CHRNB3: variants seen among roughly 807,000 people sequenced by gnomAD.
CHRNB3 encodes cholinergic receptor nicotinic beta 3 subunit.
Under a neutral mutation model 40.6 loss-of-function variants are expected in CHRNB3, and 37 were observed. The observed-to-expected ratio is 0.91, with a 90% CI of 0.70 to 1.20. CHRNB3 has a LOEUF of 1.20. Among genes scored for constraint, CHRNB3 ranks in the 50% most tolerant of loss-of-function variants. The probability of loss-of-function intolerance (pLI) is 0.00; values close to 1 mark genes in which losing one functional copy is unlikely to be tolerated. For missense variants in CHRNB3, 505 were observed against 551.2 expected (o/e 0.92, Z 0.84); for synonymous variants, 207 against 207.1 (o/e 1.00, Z 0.00).
intron 3 of CHRNB3, among the ~76,000 whole-genome samples, chr8:42,719,659 A>G (rs1038301822): frequency 1.3e-5 from 2 of 152,058 alleles, no homozygotes; most frequent in Admixed American, 1.3e-4. Flanking sequence ...AACAACAGAA[A>G]AGAAACTGGA....
chr8:42,703,704 C>T (rs1413143180), intron 1 of CHRNB3, among the ~76,000 whole-genome samples: 1 of 152,058 alleles, frequency 6.6e-6, no homozygotes, highest in East Asian at 1.9e-4. Flanking sequence ...GGCTCTACCT[C>T]ATTCCCCTGG....
intron 3 of CHRNB3, among the ~76,000 whole-genome samples, chr8:42,717,530 A>T (rs1816138206): frequency 6.6e-6 from 1 of 151,484 alleles, no homozygotes; most frequent in South Asian, 2.1e-4. Context: ...TTTACTCATG[A>T]TCTGATTTTC....
At chr8:42,725,686 T>C in intron 3 of CHRNB3, 1 of 942,614 alleles carries the variant, frequency 1.1e-6, no homozygotes, top group Non-Finnish European at 1.7e-6. Context: ...CGAGATCTCC[T>C]GGAAATGCTT....
chr8:42,719,045 G>A (rs62518191), intron 3 of CHRNB3, among the ~76,000 whole-genome samples: 8,696 of 152,050 alleles, frequency 0.057, 326 homozygotes, highest in Middle Eastern at 0.099. Context: ...GTTTGACGAC[G>A]GCTTTGAGCA....
At chr8:42,731,594 T>C in intron 4 of CHRNB3, 73 bp from the exon 5 acceptor site, 1 of 1,417,436 alleles carries the variant, frequency 7.1e-7, no homozygotes, top group South Asian at 1.4e-5. Context: ...ACAGAAATAG[T>C]CAATGCTGGG....
chr8:42,724,125 A>G (rs2128907685), intron 3 of CHRNB3, among the ~76,000 whole-genome samples: 1 of 151,688 alleles, frequency 6.6e-6, no homozygotes, highest in Non-Finnish European at 1.5e-5. Flanking sequence ...GGCTGGGCGC[A>G]GTGGCTCATG....
At position 42,733,592 on chromosome 8, in the gene CHRNB3, CTTTTTTTTT is replaced by C. The variant is rs1208342996; in HGVS notation, c.1242+1056_1242+1064del. 5.9e-5 allele frequency among the ~76,000 whole-genome samples: 6 copies of C among 101,048 alleles called. No individual in the cohort carries two copies. The Admixed American group carries it at 8.2e-4, about 14-fold the overall frequency. 66.3% of individuals were successfully genotyped at this position (101,048 alleles called of 152,430 possible). On this transcript the variant is annotated intron_variant, in intron 5 of 5. Transcript: ENST00000289957. ...TCTAATTATCATCCTCATCCTTCTT[CTTTTTTTTT>C]TTTTTTTTTTTTGAGAGGAGTCTTG... is the stretch of plus-strand genomic sequence containing the variant.
intron 1 of CHRNB3, among the ~76,000 whole-genome samples, chr8:42,703,079 C>T (rs1815845399): frequency 6.6e-6 from 1 of 152,016 alleles, no homozygotes; most frequent in Non-Finnish European, 1.5e-5. Context: ...TATCAGTTCA[C>T]TTTTCCTTCC....
chr8:42,730,135 AC>A (rs1816378209), intron 3 of CHRNB3, among the ~76,000 whole-genome samples: 1 of 152,222 alleles, frequency 6.6e-6, no homozygotes, highest in Admixed American at 6.5e-5. Context: ...TCTCATATTA[AC>A]ATAGCAGGTG....
chr8:42,731,601 T>C (rs1816418855), intron 4 of CHRNB3, 66 bp from the exon 5 acceptor site: 9 of 1,459,534 alleles, frequency 6.2e-6, no homozygotes, highest in Non-Finnish European at 8.3e-6. Flanking sequence ...TAGTCAATGC[T>C]GGGAAAAAGA....
At chr8:42,703,435 A>AAAAAAAAAAAAAAAAAAATATATATATAT in intron 1 of CHRNB3, among the ~76,000 whole-genome samples, 1 of 47,400 alleles carries the variant, frequency 2.1e-5, no homozygotes, top group African/African-American at 6.2e-5. Context: ...AAAAAAAAAA[A>AAAAAAAAAAAAAAAAAAATATATATATAT]ATATTTATAT....
intron 5 of CHRNB3, among the ~76,000 whole-genome samples, chr8:42,733,192 T>C (rs1706307319): frequency 6.6e-6 from 1 of 151,676 alleles, no homozygotes; most frequent in African/African-American, 2.4e-5. Context: ...TAACTGGGTG[T>C]GGGTGGGCGT....
intron 1 of CHRNB3, among the ~76,000 whole-genome samples, chr8:42,703,368 G>A (rs1210532516): frequency 1.4e-5 from 2 of 147,444 alleles, no homozygotes; most frequent in African/African-American, 2.5e-5. Context: ...AGGTTGCCGT[G>A]AGCCAAGATC....
Position 42,732,352 on chromosome 8 carries a change from A to T in CHRNB3, c.1045A>T (p.Met349Leu), listed in dbSNP as rs777490801. ...FLQKLPKLLC[M>L]KDHVDRYSSP... Reference sequence around the variant, plus strand: ...GCAGAAACTTCCAAAATTACTTTGCATGAAAGATCATGTGGATCGCTACTC... The same window carrying T: ...GCAGAAACTTCCAAAATTACTTTGCTTGAAAGATCATGTGGATCGCTACTC... The change falls in exon 5 of 6, where the codon ATG becomes TTG. Residue 349 changes from methionine (M) to leucine (L), a missense_variant. Coordinates refer to ENST00000289957, the MANE Select transcript of CHRNB3 (RefSeq NM_000749.5). 6.2e-7 allele frequency: 1 copy of T among 1,609,240 alleles called. No individual in the cohort carries two copies. Among genetic ancestry groups the T allele is most frequent in the South Asian group, 1.1e-5 (1 of 89,770 alleles).
At chr8:42,714,514 C>T (rs1341869568) in intron 3 of CHRNB3, among the ~76,000 whole-genome samples, 1 of 151,056 alleles carries the variant, frequency 6.6e-6, no homozygotes, top group East Asian at 1.9e-4. Flanking sequence ...CAAAACAAAA[C>T]TTTTTAAAGC....
In CHRNB3 at chr8:42,732,379, T is replaced by C. The variant is rs761358053; in HGVS notation, c.1072T>C (p.Ser358Pro). 3.5e-5 allele frequency: 57 copies of C among 1,612,690 alleles called. No individual in the cohort carries two copies. Among genetic ancestry groups the C allele is most frequent in the Non-Finnish European group, 4.5e-5 (53 of 1,179,814 alleles). ...GAAAGATCATGTGGATCGCTACTCA[T>C]CCCCAGAGAAAGAGGAGAGTCAACC... The part of the protein sequence containing the change: ...CMKDHVDRYS[S>P]PEKEESQPVV... The change falls in exon 5 of 6, where the codon TCC becomes CCC. Residue 358 changes from serine to proline, a missense_variant. Coordinates refer to ENST00000289957, the MANE Select transcript of CHRNB3 (RefSeq NM_000749.5).
At chr8:42,726,787 G>T (rs1336223851) in intron 3 of CHRNB3, among the ~76,000 whole-genome samples, 1 of 152,098 alleles carries the variant, frequency 6.6e-6, no homozygotes, top group African/African-American at 2.4e-5. Context: ...ACTGCCCCTG[G>T]CCTATTTAGG....
intron 3 of CHRNB3, among the ~76,000 whole-genome samples, chr8:42,725,237 G>T (rs1382911030): frequency 6.6e-6 from 1 of 151,348 alleles, no homozygotes; most frequent in Non-Finnish European, 1.5e-5. Flanking sequence ...TTACAAGCAT[G>T]TGCCACCATG....
At chr8:42,720,750 C>A (rs77320111) in intron 3 of CHRNB3, among the ~76,000 whole-genome samples, 1 of 152,332 alleles carries the variant, frequency 6.6e-6, no homozygotes, top group Non-Finnish European at 1.5e-5. Context: ...CAACACAAAT[C>A]TTTCTGACTT....
Sources: gnomAD v4.1 joint callset for allele counts (sites outside exome capture counted in the v4.1 genomes callset) on GRCh38, gnomAD v4.1.1 for gene constraint, MANE v1.5 for transcripts, NCBI Gene and HGNC (gene_info 2026-07-23, HGNC 2026-07-21) for gene names.